Variants in LRRC38 observed in about 807,000 individuals in gnomAD.
The protein encoded by LRRC38 is leucine rich repeat containing 38.
LRRC38 carries 5 observed loss-of-function variants against 16.4 expected under a neutral mutation model. The observed-to-expected ratio is 0.31, with a 90% CI of 0.16 to 0.64. The LOEUF (loss-of-function observed/expected upper bound fraction) is 0.64, where lower values mean the gene tolerates loss of function less well. Among genes scored for constraint, LRRC38 ranks in the 30% least tolerant of loss-of-function variants. LRRC38 has a pLI of 0.80. For synonymous variants in LRRC38, 191 were observed against 190.2 expected, an observed-to-expected ratio of 1.00 and a Z score of -0.04; for missense variants, 341 against 401.8, an observed-to-expected ratio of 0.85 and a Z score of 1.29.
intron 1 of LRRC38, among the ~76,000 whole-genome samples, chr1:13,492,565 G>C (rs564817568): frequency 1.2e-4 from 19 of 152,216 alleles, no homozygotes; most frequent in African/African-American, 3.9e-4. Context: ...AGCCGGGCCT[G>C]GTGGCGGGTG....
intron 1 of LRRC38, among the ~76,000 whole-genome samples, chr1:13,512,206 C>T (rs889031764): frequency 6.6e-6 from 1 of 152,172 alleles, no homozygotes; most frequent in African/African-American, 2.4e-5. Flanking sequence ...GGGTCCCCTC[C>T]TTCTCAGCTC....
intron 1 of LRRC38, among the ~76,000 whole-genome samples, chr1:13,489,217 T>C (rs768005914): frequency 6.6e-6 from 1 of 152,172 alleles, no homozygotes; most frequent in South Asian, 2.1e-4. Context: ...CTACTCCCCA[T>C]CACTCTCTTC....
At chr1:13,482,431 C>T (rs1392689429) in intron 1 of LRRC38, among the ~76,000 whole-genome samples, 1 of 151,920 alleles carries the variant, frequency 6.6e-6, no homozygotes. Flanking sequence ...AACAAAAAAA[C>T]TAACCAGGTG....
intron 1 of LRRC38, among the ~76,000 whole-genome samples, chr1:13,479,405 C>T (rs1186891863): frequency 6.6e-6 from 1 of 152,156 alleles, no homozygotes; most frequent in Non-Finnish European, 1.5e-5. Flanking sequence ...CGGTATCAAC[C>T]GGAAAACCAC....
intron 1 of LRRC38, among the ~76,000 whole-genome samples, chr1:13,497,274 A>G (rs990683207): frequency 1.3e-5 from 2 of 152,198 alleles, no homozygotes; most frequent in Non-Finnish European, 2.9e-5. Context: ...TCATAGCAGA[A>G]GAAGGTAGGA....
At chr1:13,493,543 C>T (rs887634675) in intron 1 of LRRC38, among the ~76,000 whole-genome samples, 10 of 152,018 alleles carry the variant, frequency 6.6e-5, no homozygotes, top group African/African-American at 1.5e-4. Context: ...GGGGCTTTGC[C>T]GATGTGATTA....
intron 1 of LRRC38, among the ~76,000 whole-genome samples, chr1:13,491,159 G>C (rs80150574): frequency 6.6e-6 from 1 of 152,054 alleles, no homozygotes; most frequent in Non-Finnish European, 1.5e-5. Flanking sequence ...TGTCACACTG[G>C]GTGGAGCGCC....
At position 13,481,770 on chromosome 1, in the gene LRRC38, TCCC is replaced by T. The variant is rs1638869350; in HGVS notation, c.632-5674_632-5672del. Reference sequence around the variant, plus strand: ...GCCTCTCACTTTCTTTCCCTCTCTCTCCCTCTCTCCCTCTCTCCCTCTCTCTCT... The same window carrying T: ...GCCTCTCACTTTCTTTCCCTCTCTCTTCTCTCCCTCTCTCCCTCTCTCTCT... On this transcript the variant is annotated intron_variant, in intron 1 of 1. Transcript: ENST00000376085. Among the ~76,000 whole-genome samples, 3 of 37,646 alleles carry T rather than the reference TCCC, an allele frequency of 8.0e-5. No individual in the cohort carries two copies. The East Asian group carries it at 2.8e-3, about 35-fold the overall frequency. The allele number at this position is 37,646 out of a possible 152,430, so 24.7% of individuals were successfully genotyped here.
chr1:13,492,960 G>A (rs1420882479), intron 1 of LRRC38, among the ~76,000 whole-genome samples: 4 of 150,576 alleles, frequency 2.7e-5, no homozygotes, highest in African/African-American at 9.6e-5. Flanking sequence ...TCGCTCTTGG[G>A]AGTTCCCTGG....
intron 1 of LRRC38, among the ~76,000 whole-genome samples, chr1:13,486,870 C>T (rs560648006): frequency 2.0e-5 from 3 of 152,332 alleles, no homozygotes; most frequent in South Asian, 2.1e-4. Context: ...GGATTACAGG[C>T]GTGTGCCACT....
At chr1:13,501,390 C>G (rs957178306) in intron 1 of LRRC38, among the ~76,000 whole-genome samples, 4 of 152,020 alleles carry the variant, frequency 2.6e-5, no homozygotes, top group Non-Finnish European at 5.9e-5. Context: ...TTGCTCTTAA[C>G]AAAGTCTATT....
chr1:13,489,053 C>T (rs545348015), intron 1 of LRRC38, among the ~76,000 whole-genome samples: 2 of 151,742 alleles, frequency 1.3e-5, no homozygotes, highest in African/African-American at 2.4e-5. Context: ...TAAATCGTGG[C>T]TCATCTACAC....
chr1:13,484,354 A>C (rs1638906799), intron 1 of LRRC38, among the ~76,000 whole-genome samples: 1 of 146,260 alleles, frequency 6.8e-6, no homozygotes, highest in African/African-American at 2.5e-5. Context: ...CTCCTCCCCC[A>C]CTCCCATGTC....
rs1638781227 is a variant in LRRC38, at chr1:13,475,886, T to C, written c.845A>G (p.Asn282Ser). Reference protein sequence around the residue: ...VVQCLQRCAPNKDAEDEDEDK... With the variant: ...VVQCLQRCAPSKDAEDEDEDK... Reference sequence around the variant, plus strand: ...CTCGTCTTCATCCTCCGCATCTTTGTTGGGTGCGCACCTCTGGAGGCACTG... The same window carrying C: ...CTCGTCTTCATCCTCCGCATCTTTGCTGGGTGCGCACCTCTGGAGGCACTG... The change falls in exon 2 of 2, where the codon AAC (asparagine) becomes AGC (serine). Residue 282 changes from asparagine to serine, a missense_variant. Asn to Ser is a conservative substitution (Grantham distance 46). Transcript: ENST00000376085. This position sits in a 1 kb window ranked among gnomAD's most constrained non-coding sequence, Gnocchi z 4.3. 2 of 1,550,404 alleles carry C rather than the reference T, an allele frequency of 1.3e-6. No homozygotes were observed. Among genetic ancestry groups the C allele is most frequent in the African/African-American group, 1.4e-5 (1 of 73,012 alleles).
intron 1 of LRRC38, among the ~76,000 whole-genome samples, chr1:13,511,098 T>C (rs1226071437): frequency 6.6e-6 from 1 of 152,128 alleles, no homozygotes; most frequent in Non-Finnish European, 1.5e-5. Flanking sequence ...GGCTCCTTGC[T>C]CTGAACCTGT....
chr1:13,503,732 A>G (rs1639177045), intron 1 of LRRC38, among the ~76,000 whole-genome samples: 1 of 152,216 alleles, frequency 6.6e-6, no homozygotes, highest in African/African-American at 2.4e-5. Flanking sequence ...CGAGAAAAGC[A>G]CGTGACTCGG....
intron 1 of LRRC38, 102 bp from the exon 2 acceptor site, chr1:13,476,201 T>A: frequency 3.8e-6 from 4 of 1,060,406 alleles, no homozygotes; most frequent in Non-Finnish European, 5.3e-6. Context: ...TGTGCAAGCA[T>A]CCTCCCAAAA....
At chr1:13,477,646 T>C (rs1638804841) in intron 1 of LRRC38, among the ~76,000 whole-genome samples, 3 of 152,110 alleles carry the variant, frequency 2.0e-5, no homozygotes, top group Admixed American at 1.3e-4. Flanking sequence ...GAGACCAGCC[T>C]GGGCAACATA....
chr1:13,483,250 C>T (rs1301272633), intron 1 of LRRC38, among the ~76,000 whole-genome samples: 2 of 152,194 alleles, frequency 1.3e-5, no homozygotes, highest in Non-Finnish European at 2.9e-5. Context: ...CTCCCAGGCT[C>T]AAGCAATTCT....
Sources: gnomAD v4.1 joint callset for allele counts (sites outside exome capture counted in the v4.1 genomes callset) on GRCh38, gnomAD v4.1.1 for gene constraint, Gnocchi (gnomAD v3.1) non-coding constraint, MANE v1.5 for transcripts, NCBI Gene and HGNC (gene_info 2026-07-23, HGNC 2026-07-21) for gene names.